The following SNTG1 variants were observed in gnomAD, a reference collection of about 807,000 sequenced individuals.
SNTG1 encodes syntrophin gamma 1.
In SNTG1, 39 loss-of-function variants were observed where a neutral mutation model predicts 74.7. That is an observed-to-expected ratio of 0.52 (90% CI 0.40 to 0.68). SNTG1 has a LOEUF of 0.68. SNTG1 is among the 30% of genes least tolerant of loss of function. SNTG1 has a pLI of 0.00. For synonymous variants in SNTG1, 254 were observed against 217.1 expected, an observed-to-expected ratio of 1.17 and a Z score of -1.49; for missense variants, 685 against 609.5, an observed-to-expected ratio of 1.12 and a Z score of -1.30.
At chr8:50,417,687 A>G (rs2093031799) in intron 4 of SNTG1, among the ~76,000 whole-genome samples, 1 of 152,080 alleles carries the variant, frequency 6.6e-6, no homozygotes, top group African/African-American at 2.4e-5. Context: ...AGTGTATCCA[A>G]TAACATCTCT....
intron 13 of SNTG1, among the ~76,000 whole-genome samples, chr8:50,601,649 G>T (rs2094776132): frequency 6.6e-6 from 1 of 152,228 alleles, no homozygotes; most frequent in Admixed American, 6.5e-5. Flanking sequence ...TTGTTCTAAA[G>T]TGCAAGATTA....
intron 15 of SNTG1, among the ~76,000 whole-genome samples, chr8:50,682,611 T>C (rs13250468): frequency 0.33 from 50,596 of 152,056 alleles, 10,893 homozygotes; most frequent in African/African-American, 0.61. Context: ...TAACACTGGT[T>C]ATCCTCAGCC....
At chr8:50,608,493 T>C (rs753023885) in intron 13 of SNTG1, among the ~76,000 whole-genome samples, 12 of 151,850 alleles carry the variant, frequency 7.9e-5, no homozygotes, top group Non-Finnish European at 1.6e-4. Context: ...AAATCTATTT[T>C]CTATGATGTC....
At chr8:50,731,293 C>T (rs1370276162) in intron 17 of SNTG1, among the ~76,000 whole-genome samples, 1 of 152,016 alleles carries the variant, frequency 6.6e-6, no homozygotes, top group Non-Finnish European at 1.5e-5. Context: ...TCTTTAGAAT[C>T]CCCTTGATCT....
intron 11 of SNTG1, among the ~76,000 whole-genome samples, chr8:50,540,587 A>T (rs954720084): frequency 6.6e-6 from 1 of 152,196 alleles, no homozygotes; most frequent in Non-Finnish European, 1.5e-5. Flanking sequence ...TTACATAAAC[A>T]TGGTAAAGTG....
intron 2 of SNTG1, among the ~76,000 whole-genome samples, chr8:50,313,081 T>C (rs1239919348): frequency 6.7e-6 from 1 of 149,820 alleles, no homozygotes; most frequent in Admixed American, 6.8e-5. Flanking sequence ...GTCTCTGCAA[T>C]AGATGCTGTT....
chr8:50,335,039 A>C (rs1163009397), intron 2 of SNTG1, among the ~76,000 whole-genome samples: 1 of 152,222 alleles, frequency 6.6e-6, no homozygotes, highest in Non-Finnish European at 1.5e-5. Flanking sequence ...TAGTCAATAT[A>C]TATCCGTTAA....
intron 2 of SNTG1, among the ~76,000 whole-genome samples, chr8:50,374,575 TG>T (rs2092337286): frequency 6.6e-6 from 1 of 152,200 alleles, no homozygotes; most frequent in Admixed American, 6.5e-5. Context: ...TAGGGACAAT[TG>T]GGACTGTAGT....
intron 15 of SNTG1, among the ~76,000 whole-genome samples, chr8:50,692,848 G>A (rs1172827008): frequency 6.6e-6 from 1 of 152,240 alleles, no homozygotes; most frequent in Non-Finnish European, 1.5e-5. Context: ...TGCCCCCAGA[G>A]GCGGAGCCTA....
At chr8:50,719,165 C>A (rs2095481718) in intron 17 of SNTG1, among the ~76,000 whole-genome samples, 1 of 152,104 alleles carries the variant, frequency 6.6e-6, no homozygotes, top group South Asian at 2.1e-4. Context: ...CAAAAATAAC[C>A]TTTGCCATGA....
At chr8:50,006,239 G>T (rs1815223998) in intron 1 of SNTG1, among the ~76,000 whole-genome samples, 1 of 152,064 alleles carries the variant, frequency 6.6e-6, no homozygotes, top group Non-Finnish European at 1.5e-5. Context: ...GGGATTACAG[G>T]CGTGAGCCAC....
At position 50,204,650 on chromosome 8, in the gene SNTG1, A is replaced by G. The variant is rs933628302; in HGVS notation, c.-28+32015A>G. Among the ~76,000 whole-genome samples the G allele has an allele frequency of 7.4e-4, 113 of 152,142 alleles. 1 individual carries two copies. Among genetic ancestry groups the G allele is most frequent in the Admixed American group, 2.6e-4 (4 of 15,272 alleles). Reference sequence around the variant, plus strand: ...TTTGTTACATATGTATACATGTGCCATATTGGTGTGCTGCACCTGTTAACT... The same window carrying G: ...TTTGTTACATATGTATACATGTGCCGTATTGGTGTGCTGCACCTGTTAACT... On this transcript the variant is annotated intron_variant, in intron 2 of 18. Coordinates refer to ENST00000642720, the MANE Select transcript of SNTG1 (RefSeq NM_018967.5).
At chr8:50,439,539 G>T (rs546250688) in intron 5 of SNTG1, among the ~76,000 whole-genome samples, 3 of 151,916 alleles carry the variant, frequency 2.0e-5, no homozygotes, top group Non-Finnish European at 4.4e-5. Context: ...GATAAGAAAA[G>T]AATATTGCTA....
At chr8:50,549,379 T>C (rs758021332) in intron 11 of SNTG1, among the ~76,000 whole-genome samples, 9 of 152,102 alleles carry the variant, frequency 5.9e-5, no homozygotes, top group Admixed American at 1.3e-4. Context: ...AACATCCCCC[T>C]ACCAATTAAG....
At chr8:49,985,795 A>G in intron 1 of SNTG1, among the ~76,000 whole-genome samples, 1 of 152,060 alleles carries the variant, frequency 6.6e-6, no homozygotes, top group East Asian at 1.9e-4. Flanking sequence ...TGTTTTTTAA[A>G]CTTTGATTAT....
rs187194484 is a variant in SNTG1 at position 50,661,914 on chromosome 8, C to A, written c.1038+3251C>A. On this transcript the variant is annotated intron_variant, in intron 15 of 18. Transcript: ENST00000642720. ...GTGGCTTGACATTAGACATATAAAG[C>A]CATCCTTCAAGCATTCCTTTTCCCA... Among the ~76,000 whole-genome samples the A allele has an allele frequency of 8.0e-4, 122 of 152,226 alleles. 3 individuals are homozygous for A. Among genetic ancestry groups the A allele is most frequent in the Non-Finnish European group, 1.8e-4 (12 of 68,020 alleles).
At chr8:50,723,661 C>T (rs10958061) in intron 17 of SNTG1, among the ~76,000 whole-genome samples, 51,024 of 151,972 alleles carry the variant, frequency 0.34, 11,133 homozygotes, top group African/African-American at 0.62. Flanking sequence ...AATTATTGCA[C>T]GTCCCCTGCA....
chr8:50,745,663 G>C (rs908487641), intron 17 of SNTG1, among the ~76,000 whole-genome samples: 1 of 151,842 alleles, frequency 6.6e-6, no homozygotes, highest in Admixed American at 6.6e-5. Flanking sequence ...CTCAAGTGTC[G>C]GTCGATAAAT....
intron 12 of SNTG1, among the ~76,000 whole-genome samples, chr8:50,576,496 T>C (rs1229283254): frequency 6.6e-6 from 1 of 152,154 alleles, no homozygotes; most frequent in African/African-American, 2.4e-5. Flanking sequence ...TTTATTTCTG[T>C]AAAACACCTC....
Sources: gnomAD v4.1 joint callset for allele counts (sites outside exome capture counted in the v4.1 genomes callset) on GRCh38, gnomAD v4.1.1 for gene constraint, MANE v1.5 for transcripts, NCBI Gene and HGNC (gene_info 2026-07-23, HGNC 2026-07-21) for gene names.